TMEM117: variants seen among roughly 807,000 people sequenced by gnomAD.
The protein encoded by TMEM117 is transmembrane protein 117.
TMEM117 carries 27 observed loss-of-function variants against 52.4 expected under a neutral mutation model. The ratio of observed to expected loss-of-function variants is 0.51; its 90% CI spans 0.38 to 0.71. The LOEUF is 0.71. Among genes scored for constraint, TMEM117 ranks in the 30% least tolerant of loss-of-function variants. The probability of loss-of-function intolerance (pLI) is 0.00; values close to 1 mark genes in which losing one functional copy is unlikely to be tolerated. For missense variants in TMEM117, 556 were observed against 630.5 expected, an observed-to-expected ratio of 0.88 and a Z score of 1.26; for synonymous variants, 215 against 206.3, an observed-to-expected ratio of 1.04 and a Z score of -0.36.
chr12:43,858,727 ACC>A (rs1943439907), intron 2 of TMEM117, among the ~76,000 whole-genome samples: 1 of 152,172 alleles, frequency 6.6e-6, no homozygotes. Context: ...ATACACACAA[ACC>A]TGAGAGAGTG....
chr12:44,339,553 G>T (rs1473090316), intron 6 of TMEM117, among the ~76,000 whole-genome samples: 1 of 151,880 alleles, frequency 6.6e-6, no homozygotes, highest in Non-Finnish European at 1.5e-5. Context: ...GTTTCAGAAA[G>T]GTAATGGTTA....
chr12:44,037,352 C>T (rs980495967), intron 3 of TMEM117, among the ~76,000 whole-genome samples: 6 of 152,162 alleles, frequency 3.9e-5, no homozygotes, highest in Non-Finnish European at 7.4e-5. Flanking sequence ...GGCCTCTCCC[C>T]ACTCCTGATG....
chr12:44,170,387 T>C (rs992992340), intron 4 of TMEM117, among the ~76,000 whole-genome samples: 8 of 152,008 alleles, frequency 5.3e-5, no homozygotes, highest in Non-Finnish European at 1.2e-4. Context: ...GGCACATGTA[T>C]ACATATGTAA....
chr12:43,874,113 C>CT (rs1324420630), intron 2 of TMEM117, among the ~76,000 whole-genome samples: 6 of 151,842 alleles, frequency 4.0e-5, no homozygotes, highest in Admixed American at 1.3e-4. Context: ...GTAATTATTG[C>CT]TTTTTTTCTC....
intron 7 of TMEM117, among the ~76,000 whole-genome samples, chr12:44,385,752 C>A (rs531228555): frequency 6.6e-6 from 1 of 152,260 alleles, no homozygotes; most frequent in South Asian, 2.1e-4. Flanking sequence ...CCCAAAGCCC[C>A]TCCTTCAACT....
chr12:44,319,093 G>T (rs555976314), intron 6 of TMEM117, among the ~76,000 whole-genome samples: 1 of 152,268 alleles, frequency 6.6e-6, no homozygotes, highest in East Asian at 1.9e-4. Flanking sequence ...CTGTCCACAC[G>T]CACCATTCAA....
intron 6 of TMEM117, among the ~76,000 whole-genome samples, chr12:44,330,353 T>C (rs1484628230): frequency 6.6e-6 from 1 of 152,024 alleles, no homozygotes; most frequent in East Asian, 1.9e-4. Flanking sequence ...CTGACTATGC[T>C]CTAAGGCAGC....
chr12:43,923,222 A>G (rs901630349), intron 2 of TMEM117, among the ~76,000 whole-genome samples: 1 of 152,246 alleles, frequency 6.6e-6, no homozygotes. Flanking sequence ...GACATTCCAC[A>G]TAATAGGGCC....
intron 4 of TMEM117, among the ~76,000 whole-genome samples, chr12:44,145,143 C>T (rs908001196): frequency 5.9e-5 from 9 of 152,082 alleles, no homozygotes; most frequent in East Asian, 1.9e-4. Context: ...GGCGACAGAG[C>T]GAGACTCCGT....
At chr12:44,172,879 C>T (rs989441624) in intron 4 of TMEM117, among the ~76,000 whole-genome samples, 1 of 152,114 alleles carries the variant, frequency 6.6e-6, no homozygotes, top group African/African-American at 2.4e-5. Context: ...TGCATGCCAC[C>T]ACGCCCGGCT....
At chr12:44,381,656 T>C (rs974695552) in intron 7 of TMEM117, among the ~76,000 whole-genome samples, 1 of 152,198 alleles carries the variant, frequency 6.6e-6, no homozygotes, top group Admixed American at 6.5e-5. Context: ...CATGTAGAAG[T>C]AAACAAGCCT....
intron 7 of TMEM117, among the ~76,000 whole-genome samples, chr12:44,385,442 G>T (rs1201583894): frequency 6.6e-6 from 1 of 152,108 alleles, no homozygotes; most frequent in Admixed American, 6.6e-5. Context: ...TGGGAGTCAA[G>T]AAAGTAGTGG....
intron 4 of TMEM117, among the ~76,000 whole-genome samples, chr12:44,177,136 A>T (rs1479204181): frequency 2.0e-5 from 3 of 152,144 alleles, no homozygotes; most frequent in Admixed American, 6.6e-5. Context: ...AGGGGCATTC[A>T]ATTTACGGTG....
intron 3 of TMEM117, among the ~76,000 whole-genome samples, chr12:44,088,434 A>G (rs1012787582): frequency 6.6e-6 from 1 of 152,212 alleles, no homozygotes; most frequent in Non-Finnish European, 1.5e-5. Context: ...ATTAACTCAG[A>G]TCTTCTAATT....
intron 3 of TMEM117, among the ~76,000 whole-genome samples, chr12:44,002,514 C>T (rs2137781974): frequency 6.6e-6 from 1 of 152,296 alleles, no homozygotes; most frequent in East Asian, 1.9e-4. Context: ...GGAAATCTTT[C>T]TAGGCATTGC....
chr12:44,205,525 G>A (rs1458800748), intron 4 of TMEM117, among the ~76,000 whole-genome samples: 1 of 152,092 alleles, frequency 6.6e-6, no homozygotes, highest in Non-Finnish European at 1.5e-5. Context: ...AGGTCTGGTA[G>A]CCAGAATTTA....
At chr12:44,234,660 T>G (rs1030262156) in intron 5 of TMEM117, among the ~76,000 whole-genome samples, 15 of 151,490 alleles carry the variant, frequency 9.9e-5, no homozygotes, top group Admixed American at 5.3e-4. Context: ...CATTATACCT[T>G]GAAGTGAATA....
intron 6 of TMEM117, among the ~76,000 whole-genome samples, chr12:44,344,926 T>C (rs1245181359): frequency 2.0e-5 from 3 of 152,022 alleles, no homozygotes; most frequent in African/African-American, 4.8e-5. Flanking sequence ...TTGTTTGCAT[T>C]GCTTCTCCTG....
chr12:43,849,811 C>T (rs929999854), intron 2 of TMEM117, among the ~76,000 whole-genome samples: 2 of 152,088 alleles, frequency 1.3e-5, no homozygotes, highest in Non-Finnish European at 2.9e-5. Flanking sequence ...TGATGAACTC[C>T]GAACTTGTCA....
Sources: allele counts gnomAD v4.1 joint callset (sites outside exome capture counted in the v4.1 genomes callset), GRCh38; gene constraint gnomAD v4.1.1; transcripts MANE v1.5; gene names NCBI Gene and HGNC (gene_info 2026-07-23, HGNC 2026-07-21).